CARMIL1: variants seen among roughly 807,000 people sequenced by gnomAD.
CARMIL1 encodes F-actin-uncapping protein LRRC16A.
In CARMIL1, 90 loss-of-function variants were observed where a neutral mutation model predicts 177.1. The ratio of observed to expected loss-of-function variants is 0.51; its 90% confidence interval spans 0.43 to 0.61. The LOEUF is 0.61. Ranked by LOEUF, CARMIL1 falls within the 20% of genes least tolerant of loss-of-function variation. The pLI is 0.00. For synonymous variants in CARMIL1, 577 were observed against 606.2 expected, an observed-to-expected ratio of 0.95 and a Z score of 0.71; for missense variants, 1,380 against 1,667.0, an observed-to-expected ratio of 0.83 and a Z score of 3.00.
chr6:25,600,876 A>C (rs1815335107), intron 33 of CARMIL1, 130 bp downstream of exon 33: 1 of 848,244 alleles, frequency 1.2e-6, no homozygotes, highest in Admixed American at 3.4e-5. Context: ...TATGCTGGGA[A>C]TATTCAAATT....
chr6:25,381,821 A>T (rs11759560), intron 2 of CARMIL1, among the ~76,000 whole-genome samples: 18,391 of 152,100 alleles, frequency 0.12, 1,270 homozygotes, highest in Middle Eastern at 0.16. Flanking sequence ...ATCACTGGTC[A>T]TTGGTGATTA....
At chr6:25,317,924 A>T (rs368330767) in intron 2 of CARMIL1, among the ~76,000 whole-genome samples, 69 of 152,266 alleles carry the variant, frequency 4.5e-4, no homozygotes, top group African/African-American at 1.6e-3. Context: ...TGTTTTTAGA[A>T]TCTGCATTTT....
At chr6:25,353,994 G>A (rs1434347644) in intron 2 of CARMIL1, among the ~76,000 whole-genome samples, 1 of 152,138 alleles carries the variant, frequency 6.6e-6, no homozygotes, top group African/African-American at 2.4e-5. Context: ...GCATCTATGG[G>A]GTAGAGGCCA....
At chr6:25,284,087 A>G (rs1292742599) in intron 1 of CARMIL1, among the ~76,000 whole-genome samples, 1 of 152,140 alleles carries the variant, frequency 6.6e-6, no homozygotes, top group African/African-American at 2.4e-5. Context: ...AGAGAATGCT[A>G]ATATTTGTAT....
Position 25,279,575 on chromosome 6 carries a change from T to C in CARMIL1, c.-221T>C, listed in dbSNP as rs1780903400. Reference sequence around the variant, plus strand: ...CCGGGAACTGCGAGGAGGCGTCATGTAGCAGCAGCAGCAAATCCGCCTCGC... The same window carrying C: ...CCGGGAACTGCGAGGAGGCGTCATGCAGCAGCAGCAGCAAATCCGCCTCGC... On this transcript the variant is annotated 5_prime_UTR_variant, in exon 1 of 37. An upstream open reading frame in the 5' UTR loses its in-frame stop. Transcript: ENST00000329474. 1 of 594,218 alleles carries C rather than the reference T, an allele frequency of 1.7e-6. No homozygotes were observed. The highest frequency in any genetic ancestry group is 1.9e-5 in the African/African-American group (1 of 53,456). The allele number at this position is 594,218 out of a possible 1,614,324, so 36.8% of individuals were successfully genotyped here. A position where few individuals can be genotyped will look rare whatever the true frequency, so the allele number is the denominator to read the frequency against.
chr6:25,510,874 C>T (rs1453757489), intron 20 of CARMIL1, 112 bp downstream of exon 20: 1 of 646,280 alleles, frequency 1.5e-6, no homozygotes, highest in African/African-American at 1.8e-5. Context: ...TCAACGTGTA[C>T]ATTTTCCATT....
chr6:25,384,664 G>C (rs547454160), intron 2 of CARMIL1, among the ~76,000 whole-genome samples: 5 of 152,194 alleles, frequency 3.3e-5, no homozygotes, highest in African/African-American at 1.2e-4. Context: ...GACCTATGGG[G>C]CAGAGGACCC....
Position 25,515,908 on chromosome 6 carries a change from G to C in CARMIL1, c.1805+61G>C, listed in dbSNP as rs914251755. 1.5e-5 allele frequency: 22 copies of C among 1,490,640 alleles called. No homozygotes were observed. The highest frequency in any genetic ancestry group is 2.0e-5 in the Non-Finnish European group (22 of 1,108,878). The allele number at this position is 1,490,640 out of a possible 1,614,324, so 92.3% of individuals were successfully genotyped here. The stretch of plus-strand genomic sequence containing the variant: ...GCTTGGAGCAGATTCCGAACAGCAA[G>C]CATTGCAGAGCTGCTGGGCCCGAGG... On this transcript the variant is annotated intron_variant, in intron 21 of 36. Coordinates refer to ENST00000329474, the MANE Select transcript of CARMIL1 (RefSeq NM_017640.6). The surrounding 1 kb of genome is among the most constrained non-coding windows in gnomAD (Gnocchi z 5.0).
At position 25,425,568 on chromosome 6, in the gene CARMIL1, C is replaced by T. The variant is rs544358997; in HGVS notation, c.190-933C>T. Among the ~76,000 whole-genome samples the T allele has an allele frequency of 5.9e-5, 9 of 152,068 alleles. 1 individual carries two copies. In the South Asian group the frequency reaches 1.9e-3, roughly 32 times the overall value. ...GTAAAAAAATTGATCCAACTTGGTCCCCCACTGTCTCTAGCTCCATGCTCT... is the reference window on the plus strand; with the variant it reads ...GTAAAAAAATTGATCCAACTTGGTCTCCCACTGTCTCTAGCTCCATGCTCT... On this transcript the variant is annotated intron_variant, in intron 3 of 36. Coordinates refer to ENST00000329474, the MANE Select transcript of CARMIL1 (RefSeq NM_017640.6).
At chr6:25,383,043 C>G (rs959873636) in intron 2 of CARMIL1, among the ~76,000 whole-genome samples, 3 of 152,166 alleles carry the variant, frequency 2.0e-5, no homozygotes, top group East Asian at 1.9e-4. Flanking sequence ...AGAATGTGGA[C>G]TTCTCTGGCC....
chr6:25,609,981 T>A (rs1222514697), intron 35 of CARMIL1, 69 bp from the exon 36 acceptor site: 1 of 1,440,082 alleles, frequency 6.9e-7, no homozygotes, highest in African/African-American at 1.4e-5. Flanking sequence ...ATATATAGAT[T>A]TACCAGGCTT....
chr6:25,357,332 A>G (rs774674274), intron 2 of CARMIL1, among the ~76,000 whole-genome samples: 2 of 152,224 alleles, frequency 1.3e-5, no homozygotes, highest in Non-Finnish European at 2.9e-5. Context: ...CTGTAAGCCC[A>G]GCACTTTGGG....
At chr6:25,307,976 G>A (rs1783413068) in intron 2 of CARMIL1, among the ~76,000 whole-genome samples, 1 of 152,222 alleles carries the variant, frequency 6.6e-6, no homozygotes, top group Non-Finnish European at 1.5e-5. Context: ...GCAGGTGGCT[G>A]TGGATGTTGG....
intron 8 of CARMIL1, among the ~76,000 whole-genome samples, chr6:25,453,031 T>C (rs184949809): frequency 5.9e-5 from 9 of 152,304 alleles, no homozygotes; most frequent in Admixed American, 5.9e-4. Flanking sequence ...GCATTGTACA[T>C]TGGTAACTTA....
chr6:25,568,868 G>C (rs1811806470), intron 29 of CARMIL1, among the ~76,000 whole-genome samples: 1 of 152,132 alleles, frequency 6.6e-6, no homozygotes, highest in South Asian at 2.1e-4. Flanking sequence ...GATTCATATG[G>C]GGTTTGTTCC....
intron 2 of CARMIL1, among the ~76,000 whole-genome samples, chr6:25,303,125 CT>C (rs57430643): frequency 0.09 from 12,910 of 143,936 alleles, 853 homozygotes; most frequent in East Asian, 0.39. Context: ...TAGGCATCTC[CT>C]TTTTTTTTTT....
chr6:25,577,290 G>A lies in CARMIL1; in HGVS notation c.2743-3634G>A, dbSNP rs959486490. On this transcript the variant is annotated intron_variant, in intron 29 of 36. Transcript: ENST00000329474. The surrounding 1 kb of genome is among the most constrained non-coding windows in gnomAD (Gnocchi z 4.5). ...GGAGACAAGTGCTTATTCCACTCAT[G>A]TAATAATAACAATAATAAAGACATG... is the stretch of plus-strand genomic sequence containing the variant. Among the ~76,000 whole-genome samples the A allele has an allele frequency of 6.6e-6, 1 of 152,144 alleles. No homozygotes were observed. The highest frequency in any genetic ancestry group is 1.5e-5 in the Non-Finnish European group (1 of 68,012).
At chr6:25,319,979 C>A (rs572924160) in intron 2 of CARMIL1, among the ~76,000 whole-genome samples, 1 of 152,270 alleles carries the variant, frequency 6.6e-6, no homozygotes, top group South Asian at 2.1e-4. Context: ...AGAAAACTTA[C>A]TTGCACATGT....
At chr6:25,385,741 G>A (rs76118339) in intron 2 of CARMIL1, among the ~76,000 whole-genome samples, 7,794 of 152,160 alleles carry the variant, frequency 0.051, 270 homozygotes, top group Non-Finnish European at 0.087. Flanking sequence ...ATAAAAAATG[G>A]CCTCTTTCAT....
Sources: gnomAD v4.1 joint callset for allele counts (sites outside exome capture counted in the v4.1 genomes callset) on GRCh38, gnomAD v4.1.1 for gene constraint, Gnocchi (gnomAD v3.1) non-coding constraint, MANE v1.5 for transcripts, NCBI Gene and HGNC (gene_info 2026-07-23, HGNC 2026-07-21) for gene names.